The following NEGR1 variants were observed in gnomAD, a reference collection of about 807,000 sequenced individuals.
NEGR1 encodes the protein neuronal growth regulator 1.
Under a neutral mutation model 40.9 loss-of-function variants are expected in NEGR1, and 10 were observed. The observed-to-expected ratio is 0.24, with a 90% CI of 0.15 to 0.42. The LOEUF (loss-of-function observed/expected upper bound fraction) is 0.42. Among genes scored for constraint, NEGR1 ranks in the 10% least tolerant of loss-of-function variants. The pLI is 1.00. For synonymous variants in NEGR1, 185 were observed against 166.8 expected (o/e 1.11, Z -0.84); for missense variants, 352 against 438.9 (o/e 0.80, Z 1.77).
chr1:71,478,630 T>C (rs909216403), intron 6 of NEGR1, among the ~76,000 whole-genome samples: 1 of 151,992 alleles, frequency 6.6e-6, no homozygotes, highest in Non-Finnish European at 1.5e-5. Context: ...CCTCTGGACA[T>C]AGTAAATAGT....
chr1:72,245,705 C>T (rs1168390659), intron 1 of NEGR1, among the ~76,000 whole-genome samples: 1 of 152,026 alleles, frequency 6.6e-6, no homozygotes, highest in Non-Finnish European at 1.5e-5. Context: ...ATGAGAGAAA[C>T]ATTTCAACTT....
chr1:71,740,637 A>C (rs1475184212), intron 3 of NEGR1, among the ~76,000 whole-genome samples: 2 of 152,112 alleles, frequency 1.3e-5, no homozygotes, highest in African/African-American at 4.8e-5. Context: ...TTTTCAAGAT[A>C]TATTATTTTA....
At chr1:71,686,745 T>C (rs999445009) in intron 4 of NEGR1, among the ~76,000 whole-genome samples, 9 of 152,190 alleles carry the variant, frequency 5.9e-5, no homozygotes, top group Non-Finnish European at 1.3e-4. Flanking sequence ...ACTGAACTAT[T>C]AGTCAGAATT....
chr1:72,069,474 A>G (rs1002994233), intron 1 of NEGR1, among the ~76,000 whole-genome samples: 2 of 152,082 alleles, frequency 1.3e-5, no homozygotes, highest in Non-Finnish European at 1.5e-5. Flanking sequence ...TTTACTTATT[A>G]TAAGTATGAA....
chr1:72,022,735 T>C lies in NEGR1; in HGVS notation c.177-87424A>G, dbSNP rs74089558. Among the ~76,000 whole-genome samples, 747 of 152,118 alleles carry C rather than the reference T, an allele frequency of 4.9e-3. 3 individuals are homozygous for C. Among genetic ancestry groups the C allele is most frequent in the African/African-American group, 0.017 (688 of 41,540 alleles). On this transcript the variant is annotated intron_variant, in intron 1 of 6. Transcript: ENST00000357731. ...AGCTAGTATAATCTGACAAGAAAAA[T>C]AAATTAGAGATCTATAGACTTGTAA... is the stretch of plus-strand genomic sequence containing the variant.
chr1:71,407,353 T>C lies in NEGR1; in HGVS notation c.*93A>G. The C allele has an allele frequency of 8.6e-7, 1 of 1,168,482 alleles. No homozygotes were observed. The highest frequency in any genetic ancestry group is 1.2e-6 in the Non-Finnish European group (1 of 805,522). 72.4% of individuals were successfully genotyped at this position (1,168,482 alleles called of 1,614,324 possible). ...ATCCCCATGTAAGCACTGCTGATTA[T>C]ATCCCACGCTGCTTTTAACAAACTG... On this transcript the variant is annotated 3_prime_UTR_variant, in exon 7 of 7. Transcript: ENST00000357731.
intron 1 of NEGR1, among the ~76,000 whole-genome samples, chr1:71,966,843 A>T (rs1323892617): frequency 6.6e-6 from 1 of 152,200 alleles, no homozygotes; most frequent in East Asian, 1.9e-4. Flanking sequence ...GTTAAAAGTA[A>T]CATACGGTTT....
intron 6 of NEGR1, among the ~76,000 whole-genome samples, chr1:71,544,959 C>T (rs1647838862): frequency 6.6e-6 from 1 of 151,662 alleles, no homozygotes; most frequent in African/African-American, 2.4e-5. Context: ...ATTCAGGTTT[C>T]CTGAGTGCCT....
chr1:71,608,329 T>C (rs971699802), intron 5 of NEGR1, among the ~76,000 whole-genome samples: 16 of 152,142 alleles, frequency 1.1e-4, no homozygotes, highest in African/African-American at 3.4e-4. Flanking sequence ...CAATCTACCT[T>C]TTCCTTTTTA....
chr1:72,095,279 G>GA (rs1449423569), intron 1 of NEGR1, among the ~76,000 whole-genome samples: 1 of 151,928 alleles, frequency 6.6e-6, no homozygotes, highest in African/African-American at 2.4e-5. Context: ...ATATTACTTT[G>GA]AAAATCTAAA....
intron 1 of NEGR1, among the ~76,000 whole-genome samples, chr1:72,017,126 A>ATG (rs143863573): frequency 0.098 from 14,381 of 146,768 alleles, 682 homozygotes; most frequent in African/African-American, 0.14. Flanking sequence ...ATACACATAT[A>ATG]TGTGTGTGTG....
intron 2 of NEGR1, among the ~76,000 whole-genome samples, chr1:71,833,361 C>T (rs972176108): frequency 3.3e-5 from 5 of 151,920 alleles, no homozygotes; most frequent in Admixed American, 2.6e-4. Context: ...AAGGGAAATA[C>T]CACTAACTAC....
At chr1:71,591,342 C>T (rs912911186) in intron 6 of NEGR1, among the ~76,000 whole-genome samples, 1 of 152,124 alleles carries the variant, frequency 6.6e-6, no homozygotes, top group African/African-American at 2.4e-5. Context: ...AATGTTTACA[C>T]AAGTGGCATT....
At chr1:71,645,426 A>G (rs375104697) in intron 4 of NEGR1, among the ~76,000 whole-genome samples, 15 of 152,072 alleles carry the variant, frequency 9.9e-5, no homozygotes, top group Admixed American at 8.5e-4. Context: ...AACACTTGAT[A>G]TTAGTGCTAT....
At chr1:72,059,297 T>C (rs996389794) in intron 1 of NEGR1, among the ~76,000 whole-genome samples, 4 of 151,532 alleles carry the variant, frequency 2.6e-5, no homozygotes, top group Admixed American at 6.6e-5. Context: ...GTAATCCAAG[T>C]CCACAATCAA....
chr1:72,233,510 C>T (rs1386914549), intron 1 of NEGR1, among the ~76,000 whole-genome samples: 1 of 152,056 alleles, frequency 6.6e-6, no homozygotes, highest in African/African-American at 2.4e-5. Context: ...GTGTACCCAA[C>T]ACTTACCTCA....
At chr1:71,740,866 A>G (rs961473191) in intron 3 of NEGR1, among the ~76,000 whole-genome samples, 2 of 152,124 alleles carry the variant, frequency 1.3e-5, no homozygotes, top group African/African-American at 4.8e-5. Context: ...CTTATGGTCA[A>G]GTTATGCTTT....
intron 2 of NEGR1, among the ~76,000 whole-genome samples, chr1:71,835,533 A>G (rs952994560): frequency 7.9e-5 from 12 of 151,814 alleles, no homozygotes; most frequent in Admixed American, 4.6e-4. Flanking sequence ...TTTGTTTGCA[A>G]TTTCATGGTT....
chr1:71,822,109 A>T (rs142306608), intron 2 of NEGR1, among the ~76,000 whole-genome samples: 35 of 152,060 alleles, frequency 2.3e-4, no homozygotes, highest in Non-Finnish European at 4.0e-4. Context: ...TAGTGAGGGA[A>T]AATTATTTCA....
Sources: gnomAD v4.1 joint callset for allele counts (sites outside exome capture counted in the v4.1 genomes callset) on GRCh38, gnomAD v4.1.1 for gene constraint, MANE v1.5 for transcripts, NCBI Gene and HGNC (gene_info 2026-07-23, HGNC 2026-07-21) for gene names.